CDH12: variants seen among roughly 807,000 people sequenced by gnomAD.
The protein encoded by CDH12 is cadherin 12.
Under a neutral mutation model 74.1 loss-of-function variants are expected in CDH12, and 41 were observed. The observed-to-expected ratio is 0.55, with a 90% confidence interval of 0.43 to 0.72. The LOEUF (loss-of-function observed/expected upper bound fraction) is 0.72, where lower values mean the gene tolerates loss of function less well. Ranked by LOEUF, CDH12 falls within the 30% of genes least tolerant of loss-of-function variation. The probability of loss-of-function intolerance (pLI) is 0.00; values close to 1 mark genes in which losing one functional copy is unlikely to be tolerated. For synonymous variants in CDH12, 399 were observed against 355.0 expected (o/e 1.12, Z -1.39); for missense variants, 945 against 977.2 (o/e 0.97, Z 0.44).
chr5:22,614,753 C>G (rs1370724387), intron 1 of CDH12, among the ~76,000 whole-genome samples: 1 of 152,098 alleles, frequency 6.6e-6, no homozygotes, highest in Non-Finnish European at 1.5e-5. Context: ...GGAATATGTT[C>G]CAATATCCCC....
At chr5:22,358,557 C>T (rs540005263) in intron 3 of CDH12, among the ~76,000 whole-genome samples, 1 of 152,272 alleles carries the variant, frequency 6.6e-6, no homozygotes, top group South Asian at 2.1e-4. Flanking sequence ...AATTTAGCCA[C>T]ACAATATATA....
chr5:22,002,986 T>C (rs1414567918), intron 5 of CDH12, among the ~76,000 whole-genome samples: 2 of 152,018 alleles, frequency 1.3e-5, no homozygotes, highest in Non-Finnish European at 2.9e-5. Flanking sequence ...ATGATATAGC[T>C]AAAGAAAATT....
At chr5:22,459,251 T>C (rs1745407592) in intron 2 of CDH12, among the ~76,000 whole-genome samples, 1 of 152,088 alleles carries the variant, frequency 6.6e-6, no homozygotes, top group Non-Finnish European at 1.5e-5. Context: ...TTAAAATTTA[T>C]ATTATGAATA....
chr5:22,250,471 C>T (rs962226910), intron 3 of CDH12, among the ~76,000 whole-genome samples: 8 of 152,118 alleles, frequency 5.3e-5, no homozygotes, highest in Non-Finnish European at 2.9e-5. Context: ...TGGATATCGC[C>T]TTTTCTAACC....
chr5:22,074,081 CTCT>C (rs964969349), intron 5 of CDH12, among the ~76,000 whole-genome samples: 18 of 152,272 alleles, frequency 1.2e-4, no homozygotes, highest in African/African-American at 4.1e-4. Flanking sequence ...CATCCTTCTT[CTCT>C]TCTTCCTCCT....
intron 1 of CDH12, among the ~76,000 whole-genome samples, chr5:22,522,615 G>A (rs1737101825): frequency 1.3e-5 from 2 of 152,104 alleles, no homozygotes; most frequent in Admixed American, 6.5e-5. Flanking sequence ...GATCTTACAT[G>A]AATTCCTATA....
intron 6 of CDH12, among the ~76,000 whole-genome samples, chr5:21,881,142 A>G (rs1171723818): frequency 6.6e-6 from 1 of 152,196 alleles, no homozygotes; most frequent in African/African-American, 2.4e-5. Context: ...GAAAAATGAA[A>G]AAAAACTGCT....
At chr5:22,533,992 T>C (rs1209032747) in intron 1 of CDH12, among the ~76,000 whole-genome samples, 1 of 152,136 alleles carries the variant, frequency 6.6e-6, no homozygotes, top group Non-Finnish European at 1.5e-5. Context: ...AACCGACTTG[T>C]CTGGTTCCTC....
At chr5:21,975,687 C>T (rs1157372938) in intron 5 of CDH12, among the ~76,000 whole-genome samples, 1 of 152,044 alleles carries the variant, frequency 6.6e-6, no homozygotes, top group Admixed American at 6.6e-5. Flanking sequence ...CATATCTATT[C>T]TTCTGTTCAT....
chr5:22,534,173 A>T (rs775457399), intron 1 of CDH12, among the ~76,000 whole-genome samples: 10 of 152,124 alleles, frequency 6.6e-5, no homozygotes, highest in Non-Finnish European at 1.2e-4. Context: ...TGAGATTTCC[A>T]AACACAGCCT....
intron 10 of CDH12, among the ~76,000 whole-genome samples, chr5:21,790,956 A>C (rs1746462074): frequency 1.3e-5 from 2 of 152,042 alleles, no homozygotes; most frequent in African/African-American, 4.8e-5. Context: ...TTTGACTGTC[A>C]TTCGCTACTT....
At chr5:21,863,122 G>T in intron 6 of CDH12, among the ~76,000 whole-genome samples, 1 of 152,118 alleles carries the variant, frequency 6.6e-6, no homozygotes, top group East Asian at 1.9e-4. Flanking sequence ...GACATGTTCT[G>T]AACAGCGTGA....
At chr5:22,167,030 G>A (rs1235465160) in intron 4 of CDH12, among the ~76,000 whole-genome samples, 1 of 152,080 alleles carries the variant, frequency 6.6e-6, no homozygotes. Context: ...GAAAATAAGT[G>A]TTTTCCAACT....
intron 1 of CDH12, among the ~76,000 whole-genome samples, chr5:22,660,315 C>G (rs1006898633): frequency 1.3e-5 from 2 of 152,156 alleles, no homozygotes; most frequent in Non-Finnish European, 2.9e-5. Flanking sequence ...TATGACTATG[C>G]ATTGGTTATT....
chr5:22,079,932 G>T (rs1742605281), intron 4 of CDH12, among the ~76,000 whole-genome samples: 1 of 151,902 alleles, frequency 6.6e-6, no homozygotes, highest in South Asian at 2.1e-4. Context: ...TATCCTGAGG[G>T]TAAAACCTAC....
At chr5:22,541,245 C>T (rs1309420222) in intron 1 of CDH12, among the ~76,000 whole-genome samples, 1 of 152,120 alleles carries the variant, frequency 6.6e-6, no homozygotes, top group Non-Finnish European at 1.5e-5. Flanking sequence ...CCATAAAATC[C>T]CACCTGGCTA....
chr5:21,878,338 A>C (rs1752045406), intron 6 of CDH12, among the ~76,000 whole-genome samples: 1 of 152,210 alleles, frequency 6.6e-6, no homozygotes, highest in African/African-American at 2.4e-5. Flanking sequence ...TAGCTAAATG[A>C]AAATTAAACT....
At chr5:22,340,668 C>A (rs1049489087) in intron 3 of CDH12, among the ~76,000 whole-genome samples, 1 of 152,208 alleles carries the variant, frequency 6.6e-6, no homozygotes, top group Non-Finnish European at 1.5e-5. Context: ...TATACCATTA[C>A]AAGCTGTTTT....
chr5:22,791,246 G>A (rs910920340), intron 1 of CDH12, among the ~76,000 whole-genome samples: 7 of 152,142 alleles, frequency 4.6e-5, no homozygotes, highest in African/African-American at 1.7e-4. Flanking sequence ...AAAGCAGGAA[G>A]GGTATAAGAG....
Sources: gnomAD v4.1 joint callset for allele counts (sites outside exome capture counted in the v4.1 genomes callset) on GRCh38, gnomAD v4.1.1 for gene constraint, MANE v1.5 for transcripts, NCBI Gene and HGNC (gene_info 2026-07-23, HGNC 2026-07-21) for gene names.